PPP1CA: variants seen among roughly 807,000 people sequenced by gnomAD.
PPP1CA encodes the protein protein phosphatase 1 catalytic subunit alpha, also known as serine/threonine-protein phosphatase PP1-alpha catalytic subunit.
Under a neutral mutation model 38.5 loss-of-function variants are expected in PPP1CA, and 14 were observed. That is an observed-to-expected ratio of 0.36 (90% CI 0.24 to 0.57). The LOEUF (loss-of-function observed/expected upper bound fraction) is 0.57. PPP1CA is among the 20% of genes least tolerant of loss of function. The probability of loss-of-function intolerance (pLI) is 0.80; values close to 1 mark genes in which losing one functional copy is unlikely to be tolerated. For missense variants in PPP1CA, 277 were observed against 435.2 expected (o/e 0.64, Z 3.23); for synonymous variants, 200 against 177.3 (o/e 1.13, Z -1.02).
chr11:67,398,236 CG>C lies in PPP1CA; in HGVS notation c.*298del. Reference sequence around the variant, plus strand: ...AGACCAGATGGGTTGCCCCAGGATCCGGCTGCCAGCCCTGAGGCCAAGCACG... The same window carrying C: ...AGACCAGATGGGTTGCCCCAGGATCCGCTGCCAGCCCTGAGGCCAAGCACG... On this transcript the variant is annotated 3_prime_UTR_variant, in exon 7 of 7. Transcript: ENST00000376745. 2 of 435,878 alleles carry C rather than the reference CG, an allele frequency of 4.6e-6. No individual in the cohort carries two copies. Among genetic ancestry groups the C allele is most frequent in the Non-Finnish European group, 8.2e-6 (2 of 242,438 alleles). 27.0% of individuals were successfully genotyped at this position (435,878 alleles called of 1,614,324 possible).
At position 67,399,424 on chromosome 11, in the gene PPP1CA, G is replaced by C. The variant is rs1306034396; in HGVS notation, c.523+137C>G. 6.3e-6 allele frequency: 5 copies of C among 790,434 alleles called. No homozygotes were observed. In the South Asian group the frequency reaches 6.6e-5, roughly 10 times the overall value. The allele number at this position is 790,434 out of a possible 1,614,324, so 49.0% of individuals were successfully genotyped here. A position where few individuals can be genotyped will look rare whatever the true frequency, so the allele number is the denominator to read the frequency against. On this transcript the variant is annotated intron_variant, in intron 4 of 6. Transcript: ENST00000376745. ...TCCATGTAGGACACACATCAAGGAAGTGAGTGCAGCCCAGCACAGTGGGGT... is the reference window on the plus strand; with the variant it reads ...TCCATGTAGGACACACATCAAGGAACTGAGTGCAGCCCAGCACAGTGGGGT...
intron 3 of PPP1CA, 84 bp downstream of exon 3, chr11:67,400,605 A>T (rs547726327): frequency 6.0e-6 from 8 of 1,326,154 alleles, no homozygotes; most frequent in Non-Finnish European, 7.6e-6. Flanking sequence ...TGTCTGTCAG[A>T]TATCAGGCCA....
rs979257754 is a variant in PPP1CA, at chr11:67,401,057, C to T, written c.187+11G>A. 3 of 1,613,416 alleles carry T rather than the reference C, an allele frequency of 1.9e-6. No individual in the cohort carries two copies. Among genetic ancestry groups the T allele is most frequent in the Admixed American group, 1.7e-5 (1 of 60,020 alleles). ...TTTAGGAAGGCAAGGGGACCTGGGCCGGGGGCTCACCGCAGATCTTGAGGG... is the reference window on the plus strand; with the variant it reads ...TTTAGGAAGGCAAGGGGACCTGGGCTGGGGGCTCACCGCAGATCTTGAGGG... On this transcript the variant is annotated intron_variant, in intron 2 of 6. Coordinates refer to ENST00000376745, the MANE Select transcript of PPP1CA (RefSeq NM_002708.4).
chr11:67,398,670 C>T (rs761059133), intron 6 of PPP1CA, 25 bp from the exon 7 acceptor site: 6 of 1,613,588 alleles, frequency 3.7e-6, no homozygotes, highest in Non-Finnish European at 2.5e-6. Context: ...GTTGGTCAGG[C>T]TCATGGGGCT....
intron 3 of PPP1CA, 139 bp from the exon 4 acceptor site, chr11:67,399,804 C>A: frequency 1.5e-6 from 1 of 662,528 alleles, no homozygotes; most frequent in Non-Finnish European, 2.7e-6. Context: ...TGTCAGCCTT[C>A]CAGGAGCAAT....
Position 67,398,827 on chromosome 11 carries a change from G to T in PPP1CA, c.777C>A (p.Ala259=), listed in dbSNP as rs778275598. Residue 259 remains alanine, a synonymous_variant, in exon 6 of 7, where the codon GCC becomes GCA. Transcript: ENST00000376745. ...QVVEDGYEFF[A]KRQLVTLFSA... ...AGAAAAGTGTCACCAGCTGCCGCTT[G>T]GCAAAGAACTCGTAGCCGTCTTCTA... 1 of 1,613,628 alleles carries T rather than the reference G, an allele frequency of 6.2e-7. No individual in the cohort carries two copies.
rs892549030 is a variant in PPP1CA, at chr11:67,401,853, C to A, written c.-71G>T. ...CTCCCGCCCTCCGGCAGCCTCCTTCCGGCCTGGCTCTCCTTCCGCCCGCCC... is the reference window on the plus strand; with the variant it reads ...CTCCCGCCCTCCGGCAGCCTCCTTCAGGCCTGGCTCTCCTTCCGCCCGCCC... On this transcript the variant is annotated 5_prime_UTR_variant, in exon 1 of 7. Transcript: ENST00000376745. 4 of 1,246,668 alleles carry A rather than the reference C, an allele frequency of 3.2e-6. No homozygotes were observed. Among genetic ancestry groups the A allele is most frequent in the Non-Finnish European group, 4.1e-6 (4 of 975,626 alleles). 77.2% of individuals were successfully genotyped at this position (1,246,668 alleles called of 1,614,324 possible).
rs1204507192 is a variant in PPP1CA, at chr11:67,398,199, C to T, written c.*336G>A. On this transcript the variant is annotated 3_prime_UTR_variant, in exon 7 of 7. Coordinates refer to ENST00000376745, the MANE Select transcript of PPP1CA (RefSeq NM_002708.4). ...GGCCATGGCGAGAATCCAGCTTTGACCTTTATTCAAGAGACCAGATGGGTT... is the reference window on the plus strand; with the variant it reads ...GGCCATGGCGAGAATCCAGCTTTGATCTTTATTCAAGAGACCAGATGGGTT... 1 of 347,600 alleles carries T rather than the reference C, an allele frequency of 2.9e-6. No individual in the cohort carries two copies. Among genetic ancestry groups the T allele is most frequent in the East Asian group, 6.3e-5 (1 of 15,860 alleles). The allele number at this position is 347,600 out of a possible 1,614,324, so 21.5% of individuals were successfully genotyped here.
Position 67,398,869 on chromosome 11 carries a change from G to T in PPP1CA, c.748-13C>A. ...CGTCTTCTACCACCTGGGCGAGGAT[G>T]GGAGCAGTCAGTCCCGAGCGCAGGC... On this transcript the variant is annotated splice_polypyrimidine_tract_variant and intron_variant, in intron 5 of 6. Coordinates refer to ENST00000376745, the MANE Select transcript of PPP1CA (RefSeq NM_002708.4). 6.2e-7 allele frequency: 1 copy of T among 1,612,390 alleles called. No homozygotes were observed. Among genetic ancestry groups the T allele is most frequent in the Non-Finnish European group, 8.5e-7 (1 of 1,179,998 alleles).
At chr11:67,399,459 A>G in intron 4 of PPP1CA, 102 bp downstream of exon 4, 2 of 1,052,338 alleles carry the variant, frequency 1.9e-6, no homozygotes, top group South Asian at 2.8e-5. Context: ...TATGGGGGAC[A>G]CTTCCTGGAA....
intron 1 of PPP1CA, 171 bp from the exon 2 acceptor site, chr11:67,401,370 G>A: frequency 8.7e-7 from 1 of 1,149,914 alleles, no homozygotes; most frequent in East Asian, 2.5e-5. Context: ...CCTCCCAGGG[G>A]AAGCCCCCAG....
In PPP1CA at chr11:67,401,710, T is replaced by G; in HGVS notation, c.55+18A>C. On this transcript the variant is annotated intron_variant, in intron 1 of 6. Coordinates refer to ENST00000376745, the MANE Select transcript of PPP1CA (RefSeq NM_002708.4). ...GGCCAGGGCGCGGCGGACGCGGGCC[T>G]CCCCCGCCCCGACCAACCTTCCAGC... 1.4e-6 allele frequency: 2 copies of G among 1,420,418 alleles called. No homozygotes were observed. Among genetic ancestry groups the G allele is most frequent in the East Asian group, 6.0e-5 (2 of 33,090 alleles). The allele number at this position is 1,420,418 out of a possible 1,614,324, so 88.0% of individuals were successfully genotyped here.
chr11:67,398,918 C>A (rs1349940299), intron 5 of PPP1CA, 22 bp downstream of exon 5: 2 of 1,612,446 alleles, frequency 1.2e-6, no homozygotes, highest in Non-Finnish European at 8.5e-7. Flanking sequence ...TCCCCTGCCG[C>A]AGGCCGGAGC....
In PPP1CA at chr11:67,398,430, C is replaced by A; in HGVS notation, c.*105G>T. The stretch of plus-strand genomic sequence containing the variant: ...AAAATACACCAAGGCTCCATGTTCC[C>A]CGTGACAGGTGGGCCTGAGGGGTCG... On this transcript the variant is annotated 3_prime_UTR_variant, in exon 7 of 7. Coordinates refer to ENST00000376745, the MANE Select transcript of PPP1CA (RefSeq NM_002708.4). The A allele has an allele frequency of 1.8e-6, 2 of 1,117,576 alleles. No homozygotes were observed. Among genetic ancestry groups the A allele is most frequent in the South Asian group, 1.5e-5 (1 of 68,186 alleles). The allele number at this position is 1,117,576 out of a possible 1,614,324, so 69.2% of individuals were successfully genotyped here.
intron 3 of PPP1CA, 150 bp downstream of exon 3, chr11:67,400,539 G>A (rs1260537867): frequency 5.3e-6 from 4 of 753,940 alleles, no homozygotes; most frequent in Non-Finnish European, 8.8e-6. Context: ...GGAGGGGCAG[G>A]GCAGGCACGA....
intron 6 of PPP1CA, 22 bp from the exon 7 acceptor site, chr11:67,398,667 A>G (rs772268793): frequency 1.2e-6 from 2 of 1,613,538 alleles, no homozygotes; most frequent in Admixed American, 3.3e-5. Flanking sequence ...AGTGTTGGTC[A>G]GGCTCATGGG....
In PPP1CA at chr11:67,398,558, T is replaced by C; in HGVS notation, c.970A>G (p.Asn324Asp). ...GGCTATTTCTTGGCTTTGGCGGAAT[T>C]GCGGGGTGGGGTGATGGGTCGGCCT... ...PGGRPITPPR[N>D]SAKAKK Residue 324 changes from asparagine to aspartate, a missense_variant, in exon 7 of 7, where the codon AAT becomes GAT. Transcript: ENST00000376745. The C allele has an allele frequency of 1.2e-6, 2 of 1,613,954 alleles. No homozygotes were observed. The highest frequency in any genetic ancestry group is 1.7e-6 in the Non-Finnish European group (2 of 1,179,934).
At chr11:67,400,956 T>C (rs568463382) in intron 2 of PPP1CA, 37 bp from the exon 3 acceptor site, 2 of 1,610,978 alleles carry the variant, frequency 1.2e-6, no homozygotes, top group South Asian at 2.2e-5. Context: ...AGATGCAAGG[T>C]CTAGACCTGA....
At chr11:67,400,122 A>C (rs1178547131) in intron 3 of PPP1CA, among the ~76,000 whole-genome samples, 1 of 152,178 alleles carries the variant, frequency 6.6e-6, no homozygotes, top group Non-Finnish European at 1.5e-5. Context: ...GGGCAACAAG[A>C]GTGAAACTCC....
Sources: gnomAD v4.1 joint callset for allele counts (sites outside exome capture counted in the v4.1 genomes callset) on GRCh38, gnomAD v4.1.1 for gene constraint, MANE v1.5 for transcripts, NCBI Gene and HGNC (gene_info 2026-07-23, HGNC 2026-07-21) for gene names.